ASCC3: variants seen among roughly 807,000 people sequenced by gnomAD.
The protein encoded by ASCC3 is activating signal cointegrator 1 complex subunit 3, also known as ASC-1 complex subunit P200.
A neutral mutation model predicts 256.3 loss-of-function variants in ASCC3; 158 were observed. The observed-to-expected ratio is 0.62, with a 90% CI of 0.54 to 0.70. The LOEUF (loss-of-function observed/expected upper bound fraction) is 0.70. Among genes scored for constraint, ASCC3 ranks in the 30% least tolerant of loss-of-function variants. ASCC3 has a pLI of 0.00. For synonymous variants in ASCC3, 948 were observed against 883.4 expected (o/e 1.07, Z -1.30); for missense variants, 2,259 against 2,626.0 (o/e 0.86, Z 3.05).
chr6:100,582,392 G>A (rs912232176), intron 36 of ASCC3, among the ~76,000 whole-genome samples: 4 of 151,554 alleles, frequency 2.6e-5, no homozygotes, highest in African/African-American at 9.8e-5. Flanking sequence ...CTGTTTGTCT[G>A]TTATTGGTAT....
chr6:100,509,371 AT>A lies in ASCC3; in HGVS notation c.*14del. 1 of 1,613,930 alleles carries A rather than the reference AT, an allele frequency of 6.2e-7. No individual in the cohort carries two copies. On this transcript the variant is annotated 3_prime_UTR_variant, in exon 42 of 42. Coordinates refer to ENST00000369162, the MANE Select transcript of ASCC3 (RefSeq NM_006828.4). Reference sequence around the variant, plus strand: ...ATTCTTAGCCACTCCTTTCAAATGGATTGTTCAGGTCAAGTTACTTTAATGC... The same window carrying A: ...ATTCTTAGCCACTCCTTTCAAATGGATGTTCAGGTCAAGTTACTTTAATGC...
At chr6:100,850,098 CAAAAAAAAA>C (rs61582863) in intron 3 of ASCC3, among the ~76,000 whole-genome samples, 1,211 of 80,636 alleles carry the variant, frequency 0.015, 23 homozygotes, top group South Asian at 0.077. Flanking sequence ...GAGACTCTAT[CAAAAAAAAA>C]AAAAAAAAAA....
At chr6:100,699,651 A>G (rs1042418898) in intron 13 of ASCC3, among the ~76,000 whole-genome samples, 6 of 152,258 alleles carry the variant, frequency 3.9e-5, no homozygotes, top group Admixed American at 3.9e-4. Context: ...AGATGTGGGA[A>G]AGTTTGGATC....
chr6:100,726,067 C>T lies in ASCC3; in HGVS notation c.1738-364G>A, dbSNP rs148016869. Among the ~76,000 whole-genome samples, 58 of 149,026 alleles carry T rather than the reference C, an allele frequency of 3.9e-4. 2 individuals are homozygous for T. The highest frequency in any genetic ancestry group is 1.4e-3 in the African/African-American group (57 of 40,720). ...ATAATGGTCTTTATTTGAAAAGGGA[C>T]TAAAAAATGATGAAAGCATTAAAAG... On this transcript the variant is annotated intron_variant, in intron 10 of 41. Coordinates refer to ENST00000369162, the MANE Select transcript of ASCC3 (RefSeq NM_006828.4).
At chr6:100,778,317 C>T (rs766681855) in intron 8 of ASCC3, among the ~76,000 whole-genome samples, 36 of 152,178 alleles carry the variant, frequency 2.4e-4, no homozygotes, top group Non-Finnish European at 4.4e-4. Flanking sequence ...AATTAATTTT[C>T]AGAAAGGTAG....
At chr6:100,551,093 G>T (rs1391474312) in intron 36 of ASCC3, among the ~76,000 whole-genome samples, 3 of 151,666 alleles carry the variant, frequency 2.0e-5, no homozygotes, top group Non-Finnish European at 2.9e-5. Flanking sequence ...CTTAACTAAG[G>T]GTTCCTTAAT....
chr6:100,688,869 C>T (rs547131830), intron 13 of ASCC3, among the ~76,000 whole-genome samples: 6 of 152,132 alleles, frequency 3.9e-5, no homozygotes, highest in Admixed American at 2.6e-4. Flanking sequence ...GAGGAAGTAA[C>T]CAAAAATCAA....
chr6:100,602,148 A>G (rs1253960854), intron 33 of ASCC3, among the ~76,000 whole-genome samples: 1 of 152,044 alleles, frequency 6.6e-6, no homozygotes, highest in Non-Finnish European at 1.5e-5. Flanking sequence ...TACTTTAACC[A>G]TGAGTCTATA....
chr6:100,802,096 G>A (rs1482987320), intron 5 of ASCC3, among the ~76,000 whole-genome samples: 1 of 151,238 alleles, frequency 6.6e-6, no homozygotes, highest in East Asian at 1.9e-4. Flanking sequence ...AGCTTAAAAG[G>A]TCTAATTAGA....
intron 36 of ASCC3, among the ~76,000 whole-genome samples, chr6:100,554,838 T>A (rs1769488329): frequency 6.6e-6 from 1 of 152,124 alleles, no homozygotes; most frequent in South Asian, 2.1e-4. Flanking sequence ...CTTATATTTT[T>A]ATCTTTATTT....
chr6:100,772,784 A>G (rs752227918), intron 8 of ASCC3, among the ~76,000 whole-genome samples: 1 of 152,194 alleles, frequency 6.6e-6, no homozygotes, highest in Non-Finnish European at 1.5e-5. Flanking sequence ...TACTTGCAAT[A>G]TAACTTTTAA....
intron 8 of ASCC3, among the ~76,000 whole-genome samples, chr6:100,787,294 A>G (rs1335382268): frequency 6.6e-6 from 1 of 152,160 alleles, no homozygotes; most frequent in Non-Finnish European, 1.5e-5. Flanking sequence ...TTTTAAAATA[A>G]TACCAGAAAA....
chr6:100,524,426 C>T (rs989135900), intron 37 of ASCC3, among the ~76,000 whole-genome samples: 7 of 152,070 alleles, frequency 4.6e-5, no homozygotes, highest in African/African-American at 1.7e-4. Flanking sequence ...TCTTTTGAAA[C>T]ATGACTGAAT....
In ASCC3 at chr6:100,687,030, T is replaced by TCACA. The variant is rs1164501730; in HGVS notation, c.2152-7279_2152-7278insTGTG. Among the ~76,000 whole-genome samples, 866 of 129,280 alleles carry TCACA rather than the reference T, an allele frequency of 6.7e-3. 5 individuals carry two copies. The highest frequency in any genetic ancestry group is 0.024 in the East Asian group (88 of 3,640). The allele number at this position is 129,280 out of a possible 152,430, so 84.8% of individuals were successfully genotyped here. A position where few individuals can be genotyped will look rare whatever the true frequency, so the allele number is the denominator to read the frequency against. ...ACTTAAATCTCTCTCTCTCTCTCTC[T>TCACA]CTCTCACACACACACACACACACAC... is the stretch of plus-strand genomic sequence containing the variant. On this transcript the variant is annotated intron_variant, in intron 13 of 41. Coordinates refer to ENST00000369162, the MANE Select transcript of ASCC3 (RefSeq NM_006828.4).
chr6:100,848,000 G>T lies in ASCC3; in HGVS notation c.801+148C>A. On this transcript the variant is annotated intron_variant, in intron 4 of 41. Transcript: ENST00000369162. The stretch of plus-strand genomic sequence containing the variant: ...ACTATCCATTAGGAACGTATATACA[G>T]GCCTGCTATGTGAAACCATTTGGCT... 3 of 723,718 alleles carry T rather than the reference G, an allele frequency of 4.1e-6. No individual in the cohort carries two copies. The South Asian group carries it at 6.6e-5, about 16-fold the overall frequency. The allele number at this position is 723,718 out of a possible 1,614,324, so 44.8% of individuals were successfully genotyped here. A position where few individuals can be genotyped will look rare whatever the true frequency, so the allele number is the denominator to read the frequency against.
At chr6:100,664,466 C>T (rs956668795) in intron 14 of ASCC3, among the ~76,000 whole-genome samples, 2 of 151,778 alleles carry the variant, frequency 1.3e-5, no homozygotes, top group African/African-American at 2.4e-5. Flanking sequence ...CATCTAGTGG[C>T]CAACCAAGTA....
At chr6:100,629,627 T>C (rs1268830797) in intron 26 of ASCC3, among the ~76,000 whole-genome samples, 2 of 152,180 alleles carry the variant, frequency 1.3e-5, no homozygotes, top group African/African-American at 4.8e-5. Context: ...ATTAAAATTA[T>C]GTGTAATTTA....
intron 36 of ASCC3, among the ~76,000 whole-genome samples, chr6:100,553,818 C>T (rs925926058): frequency 3.9e-5 from 6 of 152,062 alleles, no homozygotes; most frequent in South Asian, 2.1e-4. Context: ...TCTACAAATG[C>T]CATAAACTCA....
intron 13 of ASCC3, among the ~76,000 whole-genome samples, chr6:100,713,854 A>G (rs1778975510): frequency 6.6e-6 from 1 of 152,214 alleles, no homozygotes; most frequent in South Asian, 2.1e-4. Flanking sequence ...TTTCTAATCT[A>G]AAACTTGGAA....
Sources: allele counts gnomAD v4.1 joint callset (sites outside exome capture counted in the v4.1 genomes callset), GRCh38; gene constraint gnomAD v4.1.1; transcripts MANE v1.5; gene names NCBI Gene and HGNC (gene_info 2026-07-23, HGNC 2026-07-21).